PDCL: variants seen among roughly 807,000 people sequenced by gnomAD.
PDCL encodes the protein phosducin like, also known as phosducin-like protein.
PDCL carries 11 observed loss-of-function variants against 26.7 expected under a neutral mutation model. The ratio of observed to expected loss-of-function variants is 0.41; its 90% confidence interval spans 0.26 to 0.68. PDCL has a LOEUF of 0.68. PDCL is among the 30% of genes least tolerant of loss of function. PDCL has a pLI of 0.30. For synonymous variants in PDCL, 118 were observed against 134.9 expected (o/e 0.87, Z 0.87); for missense variants, 330 against 371.6 (o/e 0.89, Z 0.92).
Position 122,828,557 on chromosome 9 carries a change from G to C in PDCL, c.-92C>G, listed in dbSNP as rs1303585980. Reference sequence around the variant, plus strand: ...CACTTTCTTAAGAGGAAGAGCAGTGGGTCAGCGCCCTGAGCGCTAAAGAGA... The same window carrying C: ...CACTTTCTTAAGAGGAAGAGCAGTGCGTCAGCGCCCTGAGCGCTAAAGAGA... On this transcript the variant is annotated 5_prime_UTR_variant, in exon 1 of 4. Coordinates refer to ENST00000259467, the MANE Select transcript of PDCL (RefSeq NM_005388.5). 3 of 152,272 alleles carry C rather than the reference G, an allele frequency of 2.0e-5. No individual in the cohort carries two copies. The highest frequency in any genetic ancestry group is 4.4e-5 in the Non-Finnish European group (3 of 68,136). 9.4% of individuals were successfully genotyped at this position (152,272 alleles called of 1,614,324 possible).
chr9:122,821,783 T>G lies in PDCL; in HGVS notation c.355-1147A>C, dbSNP rs1439399376. On this transcript the variant is annotated intron_variant, in intron 3 of 3. Transcript: ENST00000259467. ...AAGCAGCTGTGAGCAGCAGGCACAATGCCCAAGAGACAGCTTAAGCTACGA... is the reference window on the plus strand; with the variant it reads ...AAGCAGCTGTGAGCAGCAGGCACAAGGCCCAAGAGACAGCTTAAGCTACGA... Among the ~76,000 whole-genome samples the G allele has an allele frequency of 5.3e-5, 8 of 152,030 alleles. 1 individual carries two copies. The highest frequency in any genetic ancestry group is 2.9e-5 in the Non-Finnish European group (2 of 68,028).
rs1416196583 is a variant in PDCL, at chr9:122,818,723, AC to A, written c.*1361del. ...TACATTTCCCCTGACCCTAGAATATACATTTTTAAAGTTAAAAAAAGGAAAA... is the reference window on the plus strand; with the variant it reads ...TACATTTCCCCTGACCCTAGAATATAATTTTTAAAGTTAAAAAAAGGAAAA... On this transcript the variant is annotated 3_prime_UTR_variant, in exon 4 of 4. Transcript: ENST00000259467. 1.3e-5 allele frequency: 2 copies of A among 152,030 alleles called. No individual in the cohort carries two copies. Among genetic ancestry groups the A allele is most frequent in the Non-Finnish European group, 2.9e-5 (2 of 68,010 alleles). 9.4% of individuals were successfully genotyped at this position (152,030 alleles called of 1,614,324 possible).
rs1377218863 is a variant in PDCL, at chr9:122,826,660, G to T, written c.128C>A (p.Pro43His). Residue 43 changes from proline (P) to histidine (H), a missense_variant, in exon 2 of 4, where the codon CCT becomes CAT. Coordinates refer to ENST00000259467, the MANE Select transcript of PDCL (RefSeq NM_005388.5). Reference sequence around the variant, plus strand: ...TTCGCCTGCCAGCTCAGCCTCTGCAGGCACAGAACTGCTGGCTGGGGCACA... The same window carrying T: ...TTCGCCTGCCAGCTCAGCCTCTGCATGCACAGAACTGCTGGCTGGGGCACA... ...GRCAPASSSV[P>H]AEAELAGEGI... The T allele has an allele frequency of 6.2e-7, 1 of 1,614,198 alleles. No individual in the cohort carries two copies. Among genetic ancestry groups the T allele is most frequent in the Admixed American group, 1.7e-5 (1 of 60,024 alleles).
At chr9:122,827,114 G>A (rs1427852115) in intron 1 of PDCL, among the ~76,000 whole-genome samples, 1 of 152,200 alleles carries the variant, frequency 6.6e-6, no homozygotes, top group Non-Finnish European at 1.5e-5. Flanking sequence ...TCTGAGTTAA[G>A]TGTACAAGCC....
Position 122,823,145 on chromosome 9 carries a change from C to T in PDCL, c.225G>A (p.Glu75=), listed in dbSNP as rs764273856. The T allele has an allele frequency of 6.2e-7, 1 of 1,614,162 alleles. No homozygotes were observed. The highest frequency in any genetic ancestry group is 8.5e-7 in the Non-Finnish European group (1 of 1,180,038). The change falls in exon 3 of 4, where the codon GAG becomes GAA. Residue 75 remains glutamate (E), a synonymous_variant. Transcript: ENST00000259467. ...TCTCCCGGCACTGCTCCTCCCTCTG[C>T]TCTGTCTCCAACTGCTTGAAGCGGC... The part of the protein sequence containing the change: ...DWRRFKQLET[E]QREEQCREME...
At position 122,823,041 on chromosome 9, in the gene PDCL, T is replaced by C. The variant is rs975933140; in HGVS notation, c.329A>G (p.Asp110Gly). Reference sequence around the variant, plus strand: ...CTTCCCACTGATCTTCTCCTGGAGGTCTTTCTGTTTCTGTTGCTCCTCCTC... The same window carrying C: ...CTTCCCACTGATCTTCTCCTGGAGGCCTTTCTGTTTCTGTTGCTCCTCCTC... ...DEEEEQQKQK[D>G]LQEKISGKMT... Residue 110 changes from aspartate (D) to glycine (G), a missense_variant, in exon 3 of 4, where the codon GAC becomes GGC. Transcript: ENST00000259467. The C allele has an allele frequency of 6.2e-7, 1 of 1,613,874 alleles. No homozygotes were observed. The highest frequency in any genetic ancestry group is 1.3e-5 in the African/African-American group (1 of 74,838).
Position 122,819,141 on chromosome 9 carries a change from C to T in PDCL, c.*944G>A, listed in dbSNP as rs1829522226. ...AAAATATCCATGTATACACAGAAAA[C>T]ACCTTGGCAGGAAACAGACCAAAAT... On this transcript the variant is annotated 3_prime_UTR_variant, in exon 4 of 4. Transcript: ENST00000259467. The T allele has an allele frequency of 6.6e-6, 1 of 151,914 alleles. No individual in the cohort carries two copies. Among genetic ancestry groups the T allele is most frequent in the Non-Finnish European group, 1.5e-5 (1 of 67,976 alleles). The allele number at this position is 151,914 out of a possible 1,614,324, so 9.4% of individuals were successfully genotyped here.
At position 122,826,657 on chromosome 9, in the gene PDCL, G is replaced by A. The variant is rs1302542086; in HGVS notation, c.131C>T (p.Ala44Val). 2 of 1,614,042 alleles carry A rather than the reference G, an allele frequency of 1.2e-6. No individual in the cohort carries two copies. The highest frequency in any genetic ancestry group is 1.1e-5 in the South Asian group (1 of 91,090). ...GCCTTCGCCTGCCAGCTCAGCCTCT[G>A]CAGGCACAGAACTGCTGGCTGGGGC... ...RCAPASSSVP[A>V]EAELAGEGIS... Residue 44 changes from alanine to valine, a missense_variant, in exon 2 of 4, where the codon GCA becomes GTA. Physicochemically the swap from Ala to Val is moderately conservative, Grantham distance 64. Coordinates refer to ENST00000259467, the MANE Select transcript of PDCL (RefSeq NM_005388.5).
chr9:122,819,981 A>G lies in PDCL; in HGVS notation c.*104T>C. On this transcript the variant is annotated 3_prime_UTR_variant, in exon 4 of 4. Transcript: ENST00000259467. ...CTTTATTTTATGCATAATAAAAGGG[A>G]CTACAAAGAACAGCTGAAAAGCCAG... is the stretch of plus-strand genomic sequence containing the variant. 1 of 875,198 alleles carries G rather than the reference A, an allele frequency of 1.1e-6. No individual in the cohort carries two copies. Among genetic ancestry groups the G allele is most frequent in the Non-Finnish European group, 1.8e-6 (1 of 565,502 alleles). 54.2% of individuals were successfully genotyped at this position (875,198 alleles called of 1,614,324 possible). A position where few individuals can be genotyped will look rare whatever the true frequency, so the allele number is the denominator to read the frequency against.
At chr9:122,825,614 A>G (rs1829614458) in intron 2 of PDCL, among the ~76,000 whole-genome samples, 1 of 152,204 alleles carries the variant, frequency 6.6e-6, no homozygotes, top group East Asian at 1.9e-4. Flanking sequence ...AAGAATATAA[A>G]GTCAAAAGAC....
Position 122,823,104 on chromosome 9 carries a change from T to C in PDCL, c.266A>G (p.Lys89Arg), listed in dbSNP as rs1321300911. Residue 89 changes from lysine to arginine, a missense_variant, in exon 3 of 4, where the codon AAG (lysine) becomes AGG (arginine). Transcript: ENST00000259467. ...EQCREMERLIKKLSMTCRSHL... is the reference protein window; with the variant it reads ...EQCREMERLIRKLSMTCRSHL... ...GGACCTGCAAGTCATTGACAGCTTC[T>C]TGATCAGCCTTTCCATCTCCCGGCA... The C allele has an allele frequency of 4.3e-6, 7 of 1,614,190 alleles. No individual in the cohort carries two copies. The highest frequency in any genetic ancestry group is 2.2e-5 in the South Asian group (2 of 91,084).
At position 122,819,338 on chromosome 9, in the gene PDCL, A is replaced by G. The variant is rs1829524985; in HGVS notation, c.*747T>C. The G allele has an allele frequency of 6.6e-6, 1 of 152,230 alleles. No homozygotes were observed. The highest frequency in any genetic ancestry group is 6.5e-5 in the Admixed American group (1 of 15,284). The allele number at this position is 152,230 out of a possible 1,614,324, so 9.4% of individuals were successfully genotyped here. A position where few individuals can be genotyped will look rare whatever the true frequency, so the allele number is the denominator to read the frequency against. ...TAAACAAAAAGTTACCTTGTTAAAC[A>G]AAAAGTTACCTTGTTAAACAAAAAA... On this transcript the variant is annotated 3_prime_UTR_variant, in exon 4 of 4. Coordinates refer to ENST00000259467, the MANE Select transcript of PDCL (RefSeq NM_005388.5).
chr9:122,822,961 C>T lies in PDCL; in HGVS notation c.354+55G>A, dbSNP rs564327824. 27 of 1,496,610 alleles carry T rather than the reference C, an allele frequency of 1.8e-5. No individual in the cohort carries two copies. In the East Asian group the frequency reaches 5.6e-4, roughly 31 times the overall value. The allele number at this position is 1,496,610 out of a possible 1,614,324, so 92.7% of individuals were successfully genotyped here. A position where few individuals can be genotyped will look rare whatever the true frequency, so the allele number is the denominator to read the frequency against. On this transcript the variant is annotated intron_variant, in intron 3 of 3. Transcript: ENST00000259467. ...CATCCTCCACCTCTTGAATCACTCA[C>T]CCAGCTCTAGCAGCCACAGCAGACT...
At position 122,823,061 on chromosome 9, in the gene PDCL, C is replaced by T; in HGVS notation, c.309G>A (p.Glu103=). The change falls in exon 3 of 4, where the codon GAG becomes GAA. Residue 103 remains glutamate, a synonymous_variant. Coordinates refer to ENST00000259467, the MANE Select transcript of PDCL (RefSeq NM_005388.5). ...GGAGGTCTTTCTGTTTCTGTTGCTC[C>T]TCCTCTTCATCCAGATGGGACCTGC... ...MTCRSHLDEE[E]EQQKQKDLQE... The T allele has an allele frequency of 1.2e-6, 2 of 1,614,162 alleles. No individual in the cohort carries two copies. Among genetic ancestry groups the T allele is most frequent in the Non-Finnish European group, 1.7e-6 (2 of 1,180,028 alleles).
intron 3 of PDCL, 165 bp from the exon 4 acceptor site, chr9:122,820,801 T>C (rs1829544070): frequency 1.8e-6 from 1 of 553,486 alleles, no homozygotes; most frequent in South Asian, 2.0e-5. Flanking sequence ...CTGGCCAACA[T>C]GGCAAAGCCT....
At chr9:122,825,570 T>C (rs1242152728) in intron 2 of PDCL, among the ~76,000 whole-genome samples, 1 of 152,024 alleles carries the variant, frequency 6.6e-6, no homozygotes, top group Non-Finnish European at 1.5e-5. Flanking sequence ...TTTAAGTACA[T>C]AAAAATAAAA....
In PDCL at chr9:122,820,229, C is replaced by A; in HGVS notation, c.762G>T (p.Gln254His). Reference sequence around the variant, plus strand: ...CCACAGCAAAGAAATCATCCCCCAGCTGGTCAGTAACACGAACAAAATTGC... The same window carrying A: ...CCACAGCAAAGAAATCATCCCCCAGATGGTCAGTAACACGAACAAAATTGC... ...LIGNFVRVTD[Q>H]LGDDFFAVDL... Residue 254 changes from glutamine (Q) to histidine (H), a missense_variant, in exon 4 of 4, where the codon CAG (glutamine) becomes CAT (histidine). Gln to His is a conservative substitution (Grantham distance 24). Coordinates refer to ENST00000259467, the MANE Select transcript of PDCL (RefSeq NM_005388.5). 6.2e-7 allele frequency: 1 copy of A among 1,614,206 alleles called. No individual in the cohort carries two copies. The highest frequency in any genetic ancestry group is 8.5e-7 in the Non-Finnish European group (1 of 1,180,044).
Position 122,823,206 on chromosome 9 carries a change from G to C in PDCL, c.173-9C>G. On this transcript the variant is annotated splice_polypyrimidine_tract_variant and intron_variant, in intron 2 of 3. Coordinates refer to ENST00000259467, the MANE Select transcript of PDCL (RefSeq NM_005388.5). Reference sequence around the variant, plus strand: ...GATCACACCTTTTGGGCCTGAGTAGGGTGAACACGGATGTGACCAAGGAGA... The same window carrying C: ...GATCACACCTTTTGGGCCTGAGTAGCGTGAACACGGATGTGACCAAGGAGA... The C allele has an allele frequency of 6.2e-7, 1 of 1,613,754 alleles. No individual in the cohort carries two copies. Among genetic ancestry groups the C allele is most frequent in the Non-Finnish European group, 8.5e-7 (1 of 1,179,860 alleles).
intron 3 of PDCL, 65 bp downstream of exon 3, chr9:122,822,951 G>GA (rs1829571818): frequency 7.1e-7 from 1 of 1,410,552 alleles, no homozygotes; most frequent in African/African-American, 1.4e-5. Flanking sequence ...TCCACCTCTT[G>GA]AATCACTCAC....
Sources: allele counts gnomAD v4.1 joint callset (sites outside exome capture counted in the v4.1 genomes callset), GRCh38; gene constraint gnomAD v4.1.1; transcripts MANE v1.5; gene names NCBI Gene and HGNC (gene_info 2026-07-23, HGNC 2026-07-21).